PSMB4: variants seen among roughly 807,000 people sequenced by gnomAD.
PSMB4 encodes proteasome 20S subunit beta 4, also known as proteasome subunit beta type-4.
In PSMB4, 16 loss-of-function variants were observed where a neutral mutation model predicts 35.2. That is an observed-to-expected ratio of 0.45 (90% CI 0.31 to 0.69). The LOEUF is 0.69. PSMB4 is among the 30% of genes least tolerant of loss of function. The pLI, the probability that PSMB4 is intolerant of heterozygous loss-of-function variation, is 0.06. For missense variants in PSMB4, 333 were observed against 351.8 expected (o/e 0.95, Z 0.43); for synonymous variants, 144 against 134.1 (o/e 1.07, Z -0.51).
chr1:151,401,020 A>AGAT, intron 4 of PSMB4, 175 bp downstream of exon 4: 1 of 783,048 alleles, frequency 1.3e-6, no homozygotes, highest in Non-Finnish European at 2.2e-6. Flanking sequence ...TCCAGTGACA[A>AGAT]GATGACATGA....
At chr1:151,400,267 G>A in intron 2 of PSMB4, 80 bp downstream of exon 2, 1 of 1,510,748 alleles carries the variant, frequency 6.6e-7, no homozygotes, top group South Asian at 1.1e-5. Context: ...CGATGGGATG[G>A]GGGGACTTGT....
At chr1:151,399,804 G>C in intron 1 of PSMB4, 77 bp downstream of exon 1, 4 of 1,607,868 alleles carry the variant, frequency 2.5e-6, no homozygotes, top group Non-Finnish European at 3.4e-6. Flanking sequence ...TTGAGAGCCC[G>C]GGAAGGTGAG....
In PSMB4 at chr1:151,401,562, C is replaced by T. The variant is rs775286900; in HGVS notation, c.714C>T (p.Thr238=). The change falls in exon 6 of 7, where the codon ACC becomes ACT. Residue 238 remains threonine, a synonymous_variant. Transcript: ENST00000290541. ...TCCAGTTTCAAATCGCCACTGTCAC[C>T]GAAAAAGGTGTTGAAATAGAGGGAC... is the stretch of plus-strand genomic sequence containing the variant. ...SYNRFQIATV[T]EKGVEIEGPL... 16 of 1,612,042 alleles carry T rather than the reference C, an allele frequency of 9.9e-6. No individual in the cohort carries two copies. The highest frequency in any genetic ancestry group is 1.3e-5 in the Non-Finnish European group (15 of 1,178,266).
rs757407255 is a variant in PSMB4, at chr1:151,400,116, C to T, written c.276C>T (p.Asn92=). 3.1e-6 allele frequency: 5 copies of T among 1,614,184 alleles called. No individual in the cohort carries two copies. In the South Asian group the frequency reaches 5.5e-5, roughly 18 times the overall value. Residue 92 remains asparagine (N), a synonymous_variant, in exon 2 of 7, where the codon AAC becomes AAT. Transcript: ENST00000290541. ...RNISRIMRVN[N]STMLGASGDY... ...TCTCTCGCATTATGCGAGTCAACAACAGTACCATGCTGGGTGCCTCTGGCG... is the reference window on the plus strand; with the variant it reads ...TCTCTCGCATTATGCGAGTCAACAATAGTACCATGCTGGGTGCCTCTGGCG...
intron 6 of PSMB4, 82 bp from the exon 7 acceptor site, chr1:151,401,735 G>A (rs1652850657): frequency 3.8e-6 from 6 of 1,559,154 alleles, no homozygotes; most frequent in Middle Eastern, 1.7e-4. Flanking sequence ...TGGGTGGAAA[G>A]TTTTGGTTGG....
rs1049463156 is a variant in PSMB4, at chr1:151,399,610, G to A, written c.23G>A (p.Arg8Gln). The change falls in exon 1 of 7, where the codon CGG (arginine) becomes CAG (glutamine). Residue 8 changes from arginine (R) to glutamine (Q), a missense_variant. Physicochemically the swap from Arg to Gln is conservative, Grantham distance 43. Transcript: ENST00000290541. MEAFLGS[R>Q]SGLWAGGPAP... ...AAGATGGAAGCGTTTTTGGGGTCGC[G>A]GTCCGGACTTTGGGCGGGGGGTCCG... The A allele has an allele frequency of 6.2e-7, 1 of 1,613,042 alleles. No homozygotes were observed. Among genetic ancestry groups the A allele is most frequent in the Non-Finnish European group, 8.5e-7 (1 of 1,179,684 alleles).
In PSMB4 at chr1:151,401,318, G is replaced by A. The variant is rs143739858; in HGVS notation, c.656G>A (p.Arg219Gln). ...CGCGACTTAGTAGAACGCTGCATGC[G>A]AGTGCTGTACTACCGAGATGCCCGT... ...EARDLVERCM[R>Q]VLYYRDARSY... The change falls in exon 5 of 7, where the codon CGA becomes CAA. Residue 219 changes from arginine (R) to glutamine (Q), a missense_variant. Physicochemically the swap from Arg to Gln is conservative, Grantham distance 43. Transcript: ENST00000290541. The A allele has an allele frequency of 3.7e-6, 6 of 1,614,040 alleles. No homozygotes were observed. Among genetic ancestry groups the A allele is most frequent in the African/African-American group, 2.7e-5 (2 of 74,902 alleles).
chr1:151,401,217 G>A, intron 4 of PSMB4, 22 bp from the exon 5 acceptor site: 1 of 1,595,962 alleles, frequency 6.3e-7, no homozygotes, highest in Non-Finnish European at 8.6e-7. Context: ...ATCCCCCCAT[G>A]GTTTTCCCCC....
chr1:151,401,023 T>A, intron 4 of PSMB4, 178 bp downstream of exon 4: 1 of 776,878 alleles, frequency 1.3e-6, no homozygotes, highest in South Asian at 1.6e-5. Flanking sequence ...AGTGACAAGA[T>A]GACATGACTG....
chr1:151,400,764 C>A lies in PSMB4; in HGVS notation c.495C>A (p.Ser165Arg). The change falls in exon 4 of 7, where the codon AGC becomes AGA. Residue 165 changes from serine to arginine, a missense_variant and splice_region_variant. Coordinates refer to ENST00000290541, the MANE Select transcript of PSMB4 (RefSeq NM_002796.3). ...GTTTTGACCCATTGTGTCCTGTTAG[C>A]TTCCTCGGTTATGTGGACATGCTTG... Reference protein sequence around the residue: ...MVIGGYADGESFLGYVDMLGV... With the variant: ...MVIGGYADGERFLGYVDMLGV... 2 of 1,614,176 alleles carry A rather than the reference C, an allele frequency of 1.2e-6. No individual in the cohort carries two copies. Among genetic ancestry groups the A allele is most frequent in the Non-Finnish European group, 8.5e-7 (1 of 1,180,020 alleles).
rs184144161 is a variant in PSMB4, at chr1:151,399,967, T to C, written c.141-14T>C. 10 of 1,612,424 alleles carry C rather than the reference T, an allele frequency of 6.2e-6. No individual in the cohort carries two copies. The Admixed American group carries it at 1.2e-4, about 19-fold the overall frequency. ...CCATCCCCCCTCTCAGCTCCCACCG[T>C]TCTCACTCTTTAGGAACCCCATGGT... On this transcript the variant is annotated splice_polypyrimidine_tract_variant and intron_variant, in intron 1 of 6. Coordinates refer to ENST00000290541, the MANE Select transcript of PSMB4 (RefSeq NM_002796.3).
chr1:151,400,541 C>G lies in PSMB4; in HGVS notation c.447C>G (p.Asn149Lys). 1 of 1,614,154 alleles carries G rather than the reference C, an allele frequency of 6.2e-7. No homozygotes were observed. The highest frequency in any genetic ancestry group is 8.5e-7 in the Non-Finnish European group (1 of 1,180,034). ...TGTACAGCCGGCGCTCGAAGATGAA[C>G]CCTTTGTGGAACACCATGGTCATCG... ...RAMYSRRSKM[N>K]PLWNTMVIGG... Residue 149 changes from asparagine to lysine, a missense_variant, in exon 3 of 7, where the codon AAC (asparagine) becomes AAG (lysine). By Grantham distance (94) the Asn-to-Lys change is moderately conservative. Transcript: ENST00000290541.
Position 151,400,167 on chromosome 1 carries a change from G to A in PSMB4, c.327G>A (p.Lys109=). The part of the protein sequence containing the change: ...SGDYADFQYL[K]QVLGQMVIDE... ...ACTACGCTGATTTCCAGTATTTGAA[G>A]CAAGTTCTCGGCCAGATGGTGTAAG... Residue 109 remains lysine (K), a synonymous_variant, in exon 2 of 7, where the codon AAG becomes AAA. Transcript: ENST00000290541. The A allele has an allele frequency of 6.2e-7, 1 of 1,614,138 alleles. No individual in the cohort carries two copies. Among genetic ancestry groups the A allele is most frequent in the Non-Finnish European group, 8.5e-7 (1 of 1,180,030 alleles).
chr1:151,401,346 T>A lies in PSMB4; in HGVS notation c.684T>A (p.Ser228=). Residue 228 remains serine (S), a synonymous_variant, in exon 5 of 7, where the codon TCT becomes TCA. Transcript: ENST00000290541. ...TGCTGTACTACCGAGATGCCCGTTC[T>A]TACAACCGGGTGAGGGATGTGCTGG... ...MRVLYYRDAR[S]YNRFQIATVT... 1 of 1,614,094 alleles carries A rather than the reference T, an allele frequency of 6.2e-7. No homozygotes were observed. The highest frequency in any genetic ancestry group is 2.2e-5 in the East Asian group (1 of 44,870).
chr1:151,400,959 T>G (rs906770098), intron 4 of PSMB4, 114 bp downstream of exon 4: 22 of 1,101,204 alleles, frequency 2.0e-5, no homozygotes, highest in Admixed American at 1.1e-4. Context: ...TCGCTATTAC[T>G]GGGCAGATGG....
intron 6 of PSMB4, 53 bp downstream of exon 6, chr1:151,401,683 C>T: frequency 6.6e-7 from 1 of 1,508,496 alleles, no homozygotes; most frequent in Non-Finnish European, 8.9e-7. Flanking sequence ...TTGGCTTACA[C>T]TAAGCTGGGC....
chr1:151,401,059 G>A (rs973447423), intron 4 of PSMB4, 180 bp from the exon 5 acceptor site: 3 of 761,960 alleles, frequency 3.9e-6, no homozygotes, highest in Non-Finnish European at 6.7e-6. Flanking sequence ...GCAAAGAGAG[G>A]ACACCCTAGA....
chr1:151,399,972 A>T lies in PSMB4; in HGVS notation c.141-9A>T, dbSNP rs780661377. On this transcript the variant is annotated splice_polypyrimidine_tract_variant and intron_variant, in intron 1 of 6. Coordinates refer to ENST00000290541, the MANE Select transcript of PSMB4 (RefSeq NM_002796.3). The stretch of plus-strand genomic sequence containing the variant: ...CCCCCTCTCAGCTCCCACCGTTCTC[A>T]CTCTTTAGGAACCCCATGGTGACCG... 174 of 1,612,684 alleles carry T rather than the reference A, an allele frequency of 1.1e-4. No homozygotes were observed. Among genetic ancestry groups the T allele is most frequent in the Admixed American group, 2.0e-4 (12 of 59,964 alleles).
At chr1:151,400,957 A>C in intron 4 of PSMB4, 112 bp downstream of exon 4, 1 of 1,126,656 alleles carries the variant, frequency 8.9e-7, no homozygotes, top group Non-Finnish European at 1.3e-6. Context: ...GATCGCTATT[A>C]CTGGGCAGAT....
Sources: allele counts gnomAD v4.1 joint callset, GRCh38; gene constraint gnomAD v4.1.1; transcripts MANE v1.5; gene names NCBI Gene and HGNC (gene_info 2026-07-23, HGNC 2026-07-21).